Variants in SLC9C1 observed in about 807,000 individuals in gnomAD.
SLC9C1 encodes solute carrier family 9 member C1, also known as sodium/hydrogen exchanger 10.
In SLC9C1, 97 loss-of-function variants were observed where a neutral mutation model predicts 140.9. That is an observed-to-expected ratio of 0.69 (90% CI 0.58 to 0.82). SLC9C1 has a LOEUF of 0.82. Ranked by LOEUF, SLC9C1 falls within the 40% of genes least tolerant of loss-of-function variation. SLC9C1 has a pLI of 0.00. For missense variants in SLC9C1, 1,340 were observed against 1,389.3 expected (o/e 0.96, Z 0.56); for synonymous variants, 440 against 442.6 (o/e 0.99, Z 0.07).
At chr3:112,179,453 T>C (rs2077398181) in intron 23 of SLC9C1, 78 bp downstream of exon 23, 2 of 1,451,954 alleles carry the variant, frequency 1.4e-6, no homozygotes, top group South Asian at 1.3e-5. Context: ...TGTAAACTTA[T>C]ACTAAATACT....
intron 21 of SLC9C1, among the ~76,000 whole-genome samples, chr3:112,181,773 G>A (rs1009527097): frequency 6.6e-5 from 10 of 151,170 alleles, no homozygotes; most frequent in Non-Finnish European, 8.8e-5. Flanking sequence ...AAAGAAATAA[G>A]CAGGAAAAGT....
intron 5 of SLC9C1, among the ~76,000 whole-genome samples, chr3:112,276,561 A>C (rs534401811): frequency 6.6e-6 from 1 of 152,216 alleles, no homozygotes; most frequent in East Asian, 1.9e-4. Context: ...AAGTAATGGC[A>C]AGATGGACAA....
intron 26 of SLC9C1, among the ~76,000 whole-genome samples, chr3:112,156,911 T>TAATATATTA (rs1374890164): frequency 2.0e-5 from 3 of 152,142 alleles, no homozygotes; most frequent in African/African-American, 7.2e-5. Context: ...CCTTATATAT[T>TAATATATTA]CTGGTTATTA....
chr3:112,173,641 C>T (rs1308113953), intron 23 of SLC9C1, among the ~76,000 whole-genome samples: 1 of 152,192 alleles, frequency 6.6e-6, no homozygotes, highest in Non-Finnish European at 1.5e-5. Flanking sequence ...CATAGTATTC[C>T]ATGGTGTGTA....
intron 2 of SLC9C1, 144 bp downstream of exon 2, chr3:112,286,560 C>A: frequency 1.7e-6 from 1 of 599,746 alleles, no homozygotes; most frequent in Non-Finnish European, 2.7e-6. Flanking sequence ...TTATTGGATT[C>A]ATTTGATTGA....
At chr3:112,143,015 T>G (rs527681434) in intron 28 of SLC9C1, among the ~76,000 whole-genome samples, 1 of 152,186 alleles carries the variant, frequency 6.6e-6, no homozygotes, top group Non-Finnish European at 1.5e-5. Context: ...GTTAATTTGC[T>G]TAGGATAATG....
At chr3:112,163,863 A>G (rs868477793) in intron 26 of SLC9C1, among the ~76,000 whole-genome samples, 1 of 151,678 alleles carries the variant, frequency 6.6e-6, no homozygotes, top group Non-Finnish European at 1.5e-5. Flanking sequence ...TCTAATGTTG[A>G]CAGTGGGGTG....
intron 11 of SLC9C1, among the ~76,000 whole-genome samples, chr3:112,241,774 G>C (rs2108222193): frequency 6.6e-6 from 1 of 152,238 alleles, no homozygotes; most frequent in Middle Eastern, 3.4e-3. Context: ...GGACAGAATA[G>C]AGAACCCAGA....
chr3:112,274,483 T>G (rs576040710), intron 6 of SLC9C1, among the ~76,000 whole-genome samples: 23 of 152,174 alleles, frequency 1.5e-4, no homozygotes, highest in Non-Finnish European at 2.9e-4. Context: ...CCTCCCTTAT[T>G]TGACACCTTT....
chr3:112,242,522 A>T (rs2079164034), intron 11 of SLC9C1, among the ~76,000 whole-genome samples: 2 of 152,162 alleles, frequency 1.3e-5, no homozygotes, highest in Admixed American at 6.5e-5. Context: ...ATGATTAACC[A>T]GAGCCTGTGA....
chr3:112,156,156 T>C (rs773023214), intron 26 of SLC9C1, among the ~76,000 whole-genome samples: 4 of 152,134 alleles, frequency 2.6e-5, no homozygotes, highest in Non-Finnish European at 4.4e-5. Flanking sequence ...TCATCTCCTT[T>C]CCCTTTCCTT....
At chr3:112,283,234 G>A (rs1056458215) in intron 2 of SLC9C1, among the ~76,000 whole-genome samples, 1 of 152,118 alleles carries the variant, frequency 6.6e-6, no homozygotes, top group African/African-American at 2.4e-5. Context: ...TGTGATCCTT[G>A]CACTTTGGGT....
intron 28 of SLC9C1, among the ~76,000 whole-genome samples, chr3:112,147,063 C>CT (rs1165110273): frequency 6.6e-6 from 1 of 151,994 alleles, no homozygotes; most frequent in East Asian, 1.9e-4. Context: ...ATTTCTTTGT[C>CT]TTTTTTACTG....
At chr3:112,201,623 A>T (rs2077908090) in intron 18 of SLC9C1, among the ~76,000 whole-genome samples, 1 of 152,016 alleles carries the variant, frequency 6.6e-6, no homozygotes. Flanking sequence ...AGAAAGTAAA[A>T]ATAATATCTA....
At chr3:112,160,592 CATGAACTCA>C (rs1314229257) in intron 26 of SLC9C1, among the ~76,000 whole-genome samples, 3 of 151,854 alleles carry the variant, frequency 2.0e-5, no homozygotes, top group African/African-American at 7.3e-5. Flanking sequence ...CCACAAAGGA[CATGAACTCA>C]TCATTTTTTA....
chr3:112,185,500 C>T, intron 20 of SLC9C1: 2 of 1,611,982 alleles, frequency 1.2e-6, no homozygotes, highest in Non-Finnish European at 8.5e-7. Context: ...CTGATGATCT[C>T]TCCTTTTTCA....
chr3:112,165,166 C>CA (rs2077097161), intron 26 of SLC9C1, among the ~76,000 whole-genome samples: 1 of 152,130 alleles, frequency 6.6e-6, no homozygotes, highest in Non-Finnish European at 1.5e-5. Context: ...TCTAGTTAGC[C>CA]ATTCGTCTAA....
chr3:112,199,534 A>AAG, intron 19 of SLC9C1, 65 bp from the exon 20 acceptor site: 2 of 1,330,436 alleles, frequency 1.5e-6, no homozygotes, highest in Non-Finnish European at 2.0e-6. Flanking sequence ...TATGTGGACA[A>AAG]TAAGCTAAGT....
chr3:112,283,278 T>C (rs1181857755), intron 2 of SLC9C1, among the ~76,000 whole-genome samples: 4 of 151,998 alleles, frequency 2.6e-5, no homozygotes, highest in African/African-American at 9.7e-5. Flanking sequence ...AGGCCAGGAG[T>C]TCCAGACTAG....
Sources: gnomAD v4.1 joint callset for allele counts (sites outside exome capture counted in the v4.1 genomes callset) on GRCh38, gnomAD v4.1.1 for gene constraint, MANE v1.5 for transcripts, NCBI Gene and HGNC (gene_info 2026-07-23, HGNC 2026-07-21) for gene names.